The following TRPM3 variants were observed in gnomAD, a reference collection of about 807,000 sequenced individuals.
TRPM3 encodes the protein transient receptor potential cation channel subfamily M member 3, also known as long transient receptor potential channel 3.
A neutral mutation model predicts 181.2 loss-of-function variants in TRPM3; 77 were observed. The observed-to-expected ratio is 0.42, with a 90% CI of 0.35 to 0.51. The LOEUF (loss-of-function observed/expected upper bound fraction) is 0.51, where lower values mean the gene tolerates loss of function less well. Ranked by LOEUF, TRPM3 falls within the 20% of genes least tolerant of loss-of-function variation. The probability of loss-of-function intolerance (pLI) is 0.01; values close to 1 mark genes in which losing one functional copy is unlikely to be tolerated. For missense variants in TRPM3, 1,759 were observed against 2,196.7 expected, an observed-to-expected ratio of 0.80 and a Z score of 3.98; for synonymous variants, 745 against 796.4, an observed-to-expected ratio of 0.94 and a Z score of 1.09.
chr9:71,368,149 A>G (rs1295041794), intron 1 of TRPM3, among the ~76,000 whole-genome samples: 1 of 152,038 alleles, frequency 6.6e-6, no homozygotes, highest in Non-Finnish European at 1.5e-5. Flanking sequence ...TGCCACAGTG[A>G]CCTTAAAATA....
At chr9:71,218,374 G>T (rs1356955465) in intron 1 of TRPM3, among the ~76,000 whole-genome samples, 1 of 152,048 alleles carries the variant, frequency 6.6e-6, no homozygotes, top group Non-Finnish European at 1.5e-5. Context: ...ACTGTATTAG[G>T]TAGATATATT....
rs75907006 is a variant in TRPM3, at chr9:70,606,899, T to G, written c.2668-3429A>C. ...TGGATCCCTGGTGGGGCTTTGCTCT[T>G]CCTCACTTCTTCCTGGGCCTTTTTC... On this transcript the variant is annotated intron_variant, in intron 19 of 25. Coordinates refer to ENST00000677713, the MANE Select transcript of TRPM3 (RefSeq NM_001366145.2). 7.0e-3 allele frequency among the ~76,000 whole-genome samples: 1,067 copies of G among 152,282 alleles called. 9 individuals are homozygous for G. The highest frequency in any genetic ancestry group is 0.024 in the African/African-American group (993 of 41,558).
At chr9:71,230,208 A>C (rs1361498538) in intron 1 of TRPM3, among the ~76,000 whole-genome samples, 1 of 152,228 alleles carries the variant, frequency 6.6e-6, no homozygotes, top group Admixed American at 6.5e-5. Flanking sequence ...GAAATAAGCC[A>C]GGCAAAGAAA....
At position 71,342,256 on chromosome 9, in the gene TRPM3, G is replaced by A. The variant is rs1251499654; in HGVS notation, c.183+104397C>T. On this transcript the variant is annotated intron_variant, in intron 1 of 24. Transcript: ENST00000357533. ...AAATTGGTGATATCTTTAAATAGGT[G>A]TATATATATATATAAATAAATATAT... Among the ~76,000 whole-genome samples the A allele has an allele frequency of 2.1e-5, 3 of 142,216 alleles. No homozygotes were observed. In the Admixed American group the frequency reaches 2.1e-4, roughly 10 times the overall value. The allele number at this position is 142,216 out of a possible 152,430, so 93.3% of individuals were successfully genotyped here.
intron 6 of TRPM3, among the ~76,000 whole-genome samples, chr9:70,815,856 T>C (rs888118751): frequency 6.6e-6 from 1 of 152,198 alleles, no homozygotes; most frequent in Non-Finnish European, 1.5e-5. Flanking sequence ...AAAGTTACAA[T>C]AGCTATGAGT....
intron 1 of TRPM3, among the ~76,000 whole-genome samples, chr9:71,038,794 AAGGATGGGT>A (rs1472515268): frequency 1.3e-5 from 2 of 152,036 alleles, no homozygotes; most frequent in Non-Finnish European, 2.9e-5. Context: ...CTGAGATCTG[AAGGATGGGT>A]AGGAGATAGC....
chr9:70,975,527 C>T (rs10868935), intron 1 of TRPM3, among the ~76,000 whole-genome samples: 34,937 of 152,100 alleles, frequency 0.23, 4,477 homozygotes, highest in East Asian at 0.45. Flanking sequence ...TCTGTAGCCA[C>T]AATTTCTGAA....
chr9:71,249,344 G>C (rs1455856730), intron 1 of TRPM3, among the ~76,000 whole-genome samples: 1 of 152,180 alleles, frequency 6.6e-6, no homozygotes, highest in Non-Finnish European at 1.5e-5. Context: ...GAGCTTTGAT[G>C]TGATTGTATA....
intron 1 of TRPM3, among the ~76,000 whole-genome samples, chr9:70,940,626 A>G (rs2096876957): frequency 6.6e-6 from 1 of 152,258 alleles, no homozygotes; most frequent in African/African-American, 2.4e-5. Context: ...TGTGAAAGAA[A>G]TAATCATGAA....
At chr9:70,662,553 A>C (rs2061282985) in intron 9 of TRPM3, among the ~76,000 whole-genome samples, 1 of 152,164 alleles carries the variant, frequency 6.6e-6, no homozygotes, top group East Asian at 1.9e-4. Context: ...AGAAAAAAAC[A>C]AATAATCCCA....
chr9:70,590,808 C>T (rs765769464), intron 22 of TRPM3, among the ~76,000 whole-genome samples: 2 of 152,152 alleles, frequency 1.3e-5, no homozygotes, highest in Non-Finnish European at 2.9e-5. Context: ...GATGTCGATT[C>T]GTGTCACAGA....
chr9:70,770,080 T>C (rs2079926777), intron 7 of TRPM3, among the ~76,000 whole-genome samples: 1 of 151,036 alleles, frequency 6.6e-6, no homozygotes, highest in African/African-American at 2.4e-5. Flanking sequence ...TCTCTATCTT[T>C]ATCTTTCTCT....
intron 22 of TRPM3, 78 bp downstream of exon 22, chr9:70,590,953 A>C: frequency 2.5e-6 from 4 of 1,591,918 alleles, no homozygotes; most frequent in Non-Finnish European, 3.4e-6. Flanking sequence ...GAGAACAAAC[A>C]AATGAACTTG....
intron 5 of TRPM3, 139 bp downstream of exon 5, chr9:70,842,864 A>G (rs2094769552): frequency 5.2e-6 from 4 of 766,128 alleles, no homozygotes; most frequent in Admixed American, 3.1e-5. Context: ...CCAAGATACC[A>G]TTCCTTAACA....
At chr9:71,112,646 G>C (rs1369753835) in intron 1 of TRPM3, among the ~76,000 whole-genome samples, 1 of 151,946 alleles carries the variant, frequency 6.6e-6, no homozygotes, top group Admixed American at 6.6e-5. Flanking sequence ...AGACATTCTA[G>C]GCTCTCTGCT....
chr9:70,650,386 C>T (rs1217385978), intron 9 of TRPM3, among the ~76,000 whole-genome samples: 1 of 152,164 alleles, frequency 6.6e-6, no homozygotes, highest in East Asian at 1.9e-4. Context: ...GGTCATTTTG[C>T]CTGGAGGCCC....
intron 1 of TRPM3, among the ~76,000 whole-genome samples, chr9:71,285,210 C>T (rs2085179861): frequency 6.6e-6 from 1 of 152,148 alleles, no homozygotes; most frequent in African/African-American, 2.4e-5. Context: ...GCTTTAGGCC[C>T]CACTGAACCC....
intron 8 of TRPM3, among the ~76,000 whole-genome samples, chr9:70,693,941 TGAA>T (rs1386628875): frequency 1.3e-5 from 2 of 152,254 alleles, no homozygotes; most frequent in Admixed American, 1.3e-4. Context: ...TGCTTAACTA[TGAA>T]GAACACTAGA....
intron 1 of TRPM3, among the ~76,000 whole-genome samples, chr9:71,351,876 G>T (rs10869013): frequency 0.48 from 66,686 of 140,216 alleles, 16,789 homozygotes; most frequent in East Asian, 0.59. Context: ...GTTTGTTTTT[G>T]TTTTTTTTTT....
Sources: allele counts gnomAD v4.1 joint callset (sites outside exome capture counted in the v4.1 genomes callset), GRCh38; gene constraint gnomAD v4.1.1; transcripts MANE v1.5; gene names NCBI Gene and HGNC (gene_info 2026-07-23, HGNC 2026-07-21).